Variants in PYHIN1 observed in about 807,000 individuals in gnomAD.
PYHIN1 encodes pyrin and HIN domain-containing protein 1.
A neutral mutation model predicts 43.7 loss-of-function variants in PYHIN1; 32 were observed. That is an observed-to-expected ratio of 0.73 (90% CI 0.55 to 0.98). The LOEUF (loss-of-function observed/expected upper bound fraction) is 0.98. PYHIN1 is among the 50% of genes least tolerant of loss of function. The pLI, the probability that PYHIN1 is intolerant of heterozygous loss-of-function variation, is 0.00. For synonymous variants in PYHIN1, 205 were observed against 203.1 expected, an observed-to-expected ratio of 1.01 and a Z score of -0.08; for missense variants, 588 against 589.5, an observed-to-expected ratio of 1.00 and a Z score of 0.03.
chr1:158,940,958 T>C (rs1408641503), intron 4 of PYHIN1, among the ~76,000 whole-genome samples: 1 of 152,236 alleles, frequency 6.6e-6, no homozygotes, highest in Admixed American at 6.5e-5. Context: ...CTTGTATTCA[T>C]GTGGCTCCTT....
intron 2 of PYHIN1, among the ~76,000 whole-genome samples, 191 bp downstream of exon 2, chr1:158,937,366 G>A (rs186716010): frequency 5.9e-5 from 9 of 152,294 alleles, no homozygotes; most frequent in East Asian, 1.9e-4. Flanking sequence ...GTGGATTGAC[G>A]TATATCGGAG....
At chr1:158,988,319 G>A in the PYHIN1 span, among the ~76,000 whole-genome samples, 1 of 152,118 alleles carries the variant, frequency 6.6e-6, no homozygotes, top group African/African-American at 2.4e-5. Flanking sequence ...ATAATATAAT[G>A]AGTTTAAACT....
intron 7 of PYHIN1, among the ~76,000 whole-genome samples, chr1:158,967,771 C>T (rs2101724567): frequency 6.6e-6 from 1 of 151,906 alleles, no homozygotes; most frequent in East Asian, 1.9e-4. Context: ...ACAGAATAGA[C>T]AGCCCAGAAA....
intron 7 of PYHIN1, among the ~76,000 whole-genome samples, chr1:158,950,091 A>T (rs964327620): frequency 1.3e-5 from 2 of 152,338 alleles, no homozygotes; most frequent in South Asian, 4.1e-4. Flanking sequence ...TAGCCAAGCA[A>T]TCACGTTATT....
chr1:158,970,925 CA>C (rs1187723992), intron 7 of PYHIN1, among the ~76,000 whole-genome samples: 1 of 151,950 alleles, frequency 6.6e-6, no homozygotes, highest in Non-Finnish European at 1.5e-5. Flanking sequence ...AAATCTCTCC[CA>C]AGCTAATAAA....
chr1:158,949,945 G>T (rs1649441533), intron 7 of PYHIN1, among the ~76,000 whole-genome samples: 1 of 152,198 alleles, frequency 6.6e-6, no homozygotes, highest in Non-Finnish European at 1.5e-5. Context: ...GTTTGGGCAG[G>T]TACACATTAA....
intron 7 of PYHIN1, among the ~76,000 whole-genome samples, chr1:158,959,423 G>A (rs1366682446): frequency 2.6e-5 from 4 of 151,078 alleles, no homozygotes; most frequent in Non-Finnish European, 5.9e-5. Flanking sequence ...ACCCGCGGTT[G>A]ATCAAAAGTT....
chr1:158,964,731 A>G (rs1467892108), intron 7 of PYHIN1, among the ~76,000 whole-genome samples: 1 of 152,230 alleles, frequency 6.6e-6, no homozygotes, highest in East Asian at 1.9e-4. Flanking sequence ...AGAGATACTG[A>G]AAGGAACACT....
rs1330450813 is a variant in PYHIN1 at position 158,937,109 on chromosome 1, G to T, written c.199G>T (p.Glu67Ter). Residue 67 changes from glutamate to a stop codon, truncating the protein, a stop_gained, in exon 2 of 9, where the codon GAA becomes TAA. Transcript: ENST00000368140. LOFTEE classifies it high-confidence loss of function. ...PGDAGLGKLI[E>*]FFKEIPTLGD... The stretch of plus-strand genomic sequence containing the variant: ...TGATGCCGGTTTGGGCAAACTAATA[G>T]AATTCTTCAAAGAAATACCAACACT... The T allele has an allele frequency of 6.2e-7, 1 of 1,612,858 alleles. No individual in the cohort carries two copies. Among genetic ancestry groups the T allele is most frequent in the Non-Finnish European group, 8.5e-7 (1 of 1,179,624 alleles).
At chr1:158,957,506 A>G (rs1319591692) in intron 7 of PYHIN1, among the ~76,000 whole-genome samples, 3 of 151,592 alleles carry the variant, frequency 2.0e-5, no homozygotes, top group Non-Finnish European at 4.4e-5. Context: ...CAATGGGGAA[A>G]GGAATCCCTA....
chr1:158,973,505 TCACACACA>T (rs144676333), intron 7 of PYHIN1, 134 bp from the exon 8 acceptor site: 57 of 483,468 alleles, frequency 1.2e-4, no homozygotes, highest in Admixed American at 3.1e-4. Context: ...AAAGGGATTT[TCACACACA>T]CACACACACA....
At chr1:158,976,113 C>A (rs769006057) in intron 8 of PYHIN1, among the ~76,000 whole-genome samples, 1 of 152,032 alleles carries the variant, frequency 6.6e-6, no homozygotes, top group South Asian at 2.1e-4. Context: ...AGAAACATCT[C>A]TGTGTAGACA....
chr1:158,950,352 G>A (rs1649459556), intron 7 of PYHIN1, among the ~76,000 whole-genome samples: 1 of 152,178 alleles, frequency 6.6e-6, no homozygotes, highest in South Asian at 2.1e-4. Context: ...GCATCCCCCA[G>A]GTAATGTCCG....
the PYHIN1 span, among the ~76,000 whole-genome samples, chr1:158,982,359 A>G: frequency 6.6e-6 from 1 of 152,136 alleles, no homozygotes; most frequent in Non-Finnish European, 1.5e-5. Flanking sequence ...TTCTGTATAT[A>G]ACCAGCCAGT....
At chr1:158,988,260 A>C in the PYHIN1 span, among the ~76,000 whole-genome samples, 1 of 152,190 alleles carries the variant, frequency 6.6e-6, no homozygotes, top group South Asian at 2.1e-4. Context: ...AAAAATGTGG[A>C]GATGGCTTTG....
At chr1:158,938,343 G>T in intron 2 of PYHIN1, 54 bp from the exon 3 acceptor site, 3 of 1,592,638 alleles carry the variant, frequency 1.9e-6, no homozygotes, top group South Asian at 1.1e-5. Context: ...AACTGCTTCG[G>T]GTGTCCCCGA....
chr1:158,939,072 A>G lies in PYHIN1; in HGVS notation c.412-8A>G, dbSNP rs1648735345. 6.4e-7 allele frequency: 1 copy of G among 1,569,564 alleles called. No homozygotes were observed. The highest frequency in any genetic ancestry group is 2.1e-5 in the Admixed American group (1 of 48,490). ...AAGTAATTAACAAGAAAAATAAACT[A>G]CTTGTAGAAAAGAAAAAAACCATCT... On this transcript the variant is annotated splice_region_variant and splice_polypyrimidine_tract_variant and intron_variant, in intron 3 of 8. Coordinates refer to ENST00000368140, the MANE Select transcript of PYHIN1 (RefSeq NM_152501.5).
chr1:158,986,427 A>T, the PYHIN1 span, among the ~76,000 whole-genome samples: 3 of 152,192 alleles, frequency 2.0e-5, no homozygotes, highest in East Asian at 5.8e-4. Context: ...GTCTGAAACT[A>T]GGCCAACACC....
chr1:158,968,413 A>G (rs1233841814), intron 7 of PYHIN1, among the ~76,000 whole-genome samples: 1 of 152,166 alleles, frequency 6.6e-6, no homozygotes, highest in African/African-American at 2.4e-5. Context: ...CACACCAATC[A>G]GAATGACTGT....
Sources: allele counts gnomAD v4.1 joint callset (sites outside exome capture counted in the v4.1 genomes callset), GRCh38; gene constraint gnomAD v4.1.1; transcripts MANE v1.5; gene names NCBI Gene and HGNC (gene_info 2026-07-23, HGNC 2026-07-21).